DCC: variants seen among roughly 807,000 people sequenced by gnomAD.
The protein encoded by DCC is DCC netrin 1 receptor.
A neutral mutation model predicts 172.5 loss-of-function variants in DCC; 58 were observed. That is an observed-to-expected ratio of 0.34 (90% CI 0.27 to 0.42). The LOEUF is 0.42. DCC is among the 10% of genes least tolerant of loss of function. The probability of loss-of-function intolerance (pLI) is 1.00; values close to 1 mark genes in which losing one functional copy is unlikely to be tolerated. For missense variants in DCC, 1,740 were observed against 1,791.0 expected, an observed-to-expected ratio of 0.97 and a Z score of 0.51; for synonymous variants, 709 against 644.5, an observed-to-expected ratio of 1.10 and a Z score of -1.52.
At chr18:52,507,317 G>C (rs559276663) in intron 1 of DCC, among the ~76,000 whole-genome samples, 1 of 152,086 alleles carries the variant, frequency 6.6e-6, no homozygotes, top group Non-Finnish European at 1.5e-5. Flanking sequence ...AAATTTCTCC[G>C]AGTCAAATAT....
chr18:52,441,702 G>C (rs919924842), intron 1 of DCC, among the ~76,000 whole-genome samples: 1 of 151,984 alleles, frequency 6.6e-6, no homozygotes, highest in South Asian at 2.1e-4. Flanking sequence ...AACCTTAAAG[G>C]TACAAAAGAA....
chr18:52,855,940 T>G (rs570415570), intron 2 of DCC, among the ~76,000 whole-genome samples: 1 of 152,020 alleles, frequency 6.6e-6, no homozygotes, highest in African/African-American at 2.4e-5. Context: ...TGATTTTTTA[T>G]TTTTAGTAGA....
At chr18:52,964,519 A>T (rs1465765028) in intron 5 of DCC, among the ~76,000 whole-genome samples, 3 of 152,072 alleles carry the variant, frequency 2.0e-5, no homozygotes. Context: ...GTTTATTGCC[A>T]TGTACGTCAA....
intron 8 of DCC, among the ~76,000 whole-genome samples, chr18:53,169,842 G>A (rs1053860064): frequency 2.6e-5 from 4 of 152,094 alleles, no homozygotes; most frequent in African/African-American, 4.8e-5. Flanking sequence ...TTACAGAGGG[G>A]TATGGACTAC....
intron 12 of DCC, among the ~76,000 whole-genome samples, chr18:53,284,496 G>A (rs1224897089): frequency 2.0e-5 from 3 of 152,110 alleles, no homozygotes; most frequent in South Asian, 2.1e-4. Context: ...CATGTGAGAC[G>A]TGCCTTTCAC....
At chr18:52,630,948 G>T (rs569620706) in intron 1 of DCC, among the ~76,000 whole-genome samples, 1 of 152,220 alleles carries the variant, frequency 6.6e-6, no homozygotes, top group South Asian at 2.1e-4. Context: ...TATGCCCTTA[G>T]TATGCCATGG....
intron 1 of DCC, among the ~76,000 whole-genome samples, chr18:52,569,597 C>T (rs1370233820): frequency 1.3e-5 from 2 of 152,132 alleles, no homozygotes; most frequent in Non-Finnish European, 1.5e-5. Context: ...CTTGCATTAA[C>T]TTCACAGGCA....
At chr18:52,699,275 C>G (rs1359499037) in intron 1 of DCC, among the ~76,000 whole-genome samples, 2 of 152,150 alleles carry the variant, frequency 1.3e-5, no homozygotes, top group South Asian at 4.1e-4. Context: ...GGGACCATCC[C>G]CCTGAGACCC....
rs571287631 is a variant in DCC, at chr18:53,499,476, G to A, written c.4077G>A (p.Pro1359=). Residue 1359 remains proline (P), a synonymous_variant, in exon 27 of 29, where the codon CCG becomes CCA. Transcript: ENST00000442544. ...CTCCACCAATGAGTGCAATAGAACCGAAAGTCCCTTACACACCACTTTTGT... is the reference window on the plus strand; with the variant it reads ...CTCCACCAATGAGTGCAATAGAACCAAAAGTCCCTTACACACCACTTTTGT... ...LLPPPMSAIE[P]KVPYTPLLSQ... 1.4e-5 allele frequency: 23 copies of A among 1,614,114 alleles called. No individual in the cohort carries two copies. The highest frequency in any genetic ancestry group is 5.3e-5 in the African/African-American group (4 of 75,030).
At chr18:52,810,585 CCATGTGGCTGGGTCTGAGGTCTTTT>C (rs1379982009) in intron 2 of DCC, among the ~76,000 whole-genome samples, 3 of 152,112 alleles carry the variant, frequency 2.0e-5, no homozygotes, top group African/African-American at 7.2e-5. Flanking sequence ...GGAAAGTCCC[CCATGTGGCTGGGTCTGAGGTCTTTT>C]ATGGACTCAA....
chr18:53,448,059 T>TG (rs964567158), intron 22 of DCC, among the ~76,000 whole-genome samples: 63 of 150,886 alleles, frequency 4.2e-4, no homozygotes, highest in African/African-American at 1.4e-3. Flanking sequence ...TTTTTTTTTT[T>TG]TTTTTTTTTT....
intron 7 of DCC, among the ~76,000 whole-genome samples, chr18:53,067,153 T>C (rs1020681418): frequency 3.3e-5 from 5 of 152,150 alleles, no homozygotes; most frequent in African/African-American, 1.2e-4. Context: ...AATTACTCTT[T>C]TTAATTATAA....
chr18:53,284,017 G>C (rs984746142), intron 12 of DCC, among the ~76,000 whole-genome samples: 1 of 152,118 alleles, frequency 6.6e-6, no homozygotes, highest in African/African-American at 2.4e-5. Context: ...TCTTGTGCTT[G>C]AGCAAATAAG....
intron 2 of DCC, among the ~76,000 whole-genome samples, chr18:52,857,501 C>T (rs2039073467): frequency 1.3e-5 from 2 of 152,182 alleles, no homozygotes; most frequent in South Asian, 4.2e-4. Flanking sequence ...CACTGAAGCA[C>T]TTGGAGAGAT....
chr18:52,900,450 T>C (rs1227745005), intron 2 of DCC, among the ~76,000 whole-genome samples: 10 of 152,198 alleles, frequency 6.6e-5, no homozygotes. Context: ...GCTCTATATC[T>C]CTTGCTAATA....
chr18:52,845,197 T>C (rs1439688704), intron 2 of DCC, among the ~76,000 whole-genome samples: 1 of 152,166 alleles, frequency 6.6e-6, no homozygotes, highest in African/African-American at 2.4e-5. Context: ...CCAAGAATAT[T>C]TTCCCATGTG....
At chr18:52,522,301 C>G (rs560347391) in intron 1 of DCC, among the ~76,000 whole-genome samples, 2 of 152,058 alleles carry the variant, frequency 1.3e-5, no homozygotes, top group African/African-American at 4.8e-5. Context: ...GATCTAGATT[C>G]CATGGAAATT....
At chr18:52,376,091 C>G (rs1985334064) in intron 1 of DCC, among the ~76,000 whole-genome samples, 1 of 152,118 alleles carries the variant, frequency 6.6e-6, no homozygotes, top group South Asian at 2.1e-4. Flanking sequence ...GCTTCCTTTC[C>G]TTTATCTGTA....
At chr18:53,169,635 T>C (rs1052324889) in intron 8 of DCC, among the ~76,000 whole-genome samples, 6 of 152,166 alleles carry the variant, frequency 3.9e-5, no homozygotes, top group Admixed American at 3.9e-4. Flanking sequence ...GTTCTGCATA[T>C]TTGAAGGGTA....
Sources: gnomAD v4.1 joint callset for allele counts (sites outside exome capture counted in the v4.1 genomes callset) on GRCh38, gnomAD v4.1.1 for gene constraint, MANE v1.5 for transcripts, NCBI Gene and HGNC (gene_info 2026-07-23, HGNC 2026-07-21) for gene names.